Variants in MORN5 observed in about 807,000 individuals in gnomAD.
MORN5 encodes the protein MORN repeat-containing protein 5.
MORN5 carries 21 observed loss-of-function variants against 22.1 expected under a neutral mutation model. The ratio of observed to expected loss-of-function variants is 0.95; its 90% confidence interval spans 0.67 to 1.37. The LOEUF is 1.37. MORN5 is among the 40% of genes most tolerant of loss of function. The pLI is 0.00. For synonymous variants in MORN5, 73 were observed against 74.0 expected, an observed-to-expected ratio of 0.99 and a Z score of 0.07; for missense variants, 211 against 215.1, an observed-to-expected ratio of 0.98 and a Z score of 0.12.
chr9:122,166,394 G>T (rs1425073314), intron 1 of MORN5, among the ~76,000 whole-genome samples: 2 of 151,946 alleles, frequency 1.3e-5, no homozygotes, highest in African/African-American at 2.4e-5. Context: ...TGGTCATGGG[G>T]GACAGAGAAA....
chr9:122,175,758 C>T, intron 4 of MORN5: 1 of 943,938 alleles, frequency 1.1e-6, no homozygotes, highest in Non-Finnish European at 1.3e-6. Flanking sequence ...CATCCTCTCC[C>T]TATAGGGAAA....
intron 3 of MORN5, among the ~76,000 whole-genome samples, chr9:122,172,195 C>T (rs1276607081): frequency 6.6e-6 from 1 of 150,836 alleles, no homozygotes; most frequent in Non-Finnish European, 1.5e-5. Context: ...TCATCTAGAA[C>T]TCCTGGCCTC....
intron 4 of MORN5, among the ~76,000 whole-genome samples, chr9:122,178,885 T>G (rs1019664929): frequency 2.0e-5 from 3 of 152,210 alleles, no homozygotes; most frequent in African/African-American, 7.2e-5. Flanking sequence ...GAGCGTTCCC[T>G]TTCTCCTAAT....
At chr9:122,185,793 G>A (rs1829620368) in intron 4 of MORN5, among the ~76,000 whole-genome samples, 1 of 152,168 alleles carries the variant, frequency 6.6e-6, no homozygotes, top group Non-Finnish European at 1.5e-5. Flanking sequence ...CAGACTGTCT[G>A]TGGTAGAGCC....
At chr9:122,179,768 C>G (rs1468603773) in intron 4 of MORN5, among the ~76,000 whole-genome samples, 1 of 152,156 alleles carries the variant, frequency 6.6e-6, no homozygotes, top group Non-Finnish European at 1.5e-5. Context: ...CCTGACTCAC[C>G]TCACCCTGTG....
rs547924321 is a variant in MORN5, at chr9:122,162,663, C to A, written c.47+2644C>A. Among the ~76,000 whole-genome samples, 187 of 152,234 alleles carry A rather than the reference C, an allele frequency of 1.2e-3. 1 individual carries two copies. The highest frequency in any genetic ancestry group is 4.3e-3 in the African/African-American group (179 of 41,534). On this transcript the variant is annotated intron_variant, in intron 1 of 4. Coordinates refer to ENST00000373764, the MANE Select transcript of MORN5 (RefSeq NM_198469.4). ...AATAAAAAGGAGTGAACTATTGGTA[C>A]ACAGAACAACATGAATGAATCTCAA... is the stretch of plus-strand genomic sequence containing the variant.
chr9:122,165,942 A>T (rs1829269544), intron 1 of MORN5, among the ~76,000 whole-genome samples: 1 of 152,166 alleles, frequency 6.6e-6, no homozygotes, highest in Non-Finnish European at 1.5e-5. Flanking sequence ...GTAAGGACAT[A>T]ACCAAAGACT....
intron 4 of MORN5, among the ~76,000 whole-genome samples, chr9:122,192,589 T>G (rs1044922355): frequency 2.0e-5 from 3 of 152,302 alleles, no homozygotes; most frequent in South Asian, 4.1e-4. Context: ...TGGGCACAGC[T>G]CAGCAGACCC....
At chr9:122,168,506 T>C (rs1260793109) in intron 2 of MORN5, among the ~76,000 whole-genome samples, 1 of 152,232 alleles carries the variant, frequency 6.6e-6, no homozygotes, top group Non-Finnish European at 1.5e-5. Flanking sequence ...CCTTGTTTTA[T>C]AGCTTGGAGA....
At chr9:122,193,088 G>T (rs1306448984) in intron 4 of MORN5, among the ~76,000 whole-genome samples, 1 of 152,124 alleles carries the variant, frequency 6.6e-6, no homozygotes, top group African/African-American at 2.4e-5. Flanking sequence ...GTCTGTGGGG[G>T]TAGGGGACAG....
intron 1 of MORN5, 60 bp from the exon 2 acceptor site, chr9:122,166,708 T>C (rs1408357214): frequency 2.8e-5 from 43 of 1,519,654 alleles, no homozygotes; most frequent in Non-Finnish European, 3.5e-5. Context: ...CTCTGTTGCC[T>C]GCCAGCTCTG....
chr9:122,167,172 C>T (rs1165190457), intron 2 of MORN5, among the ~76,000 whole-genome samples: 20 of 149,706 alleles, frequency 1.3e-4, no homozygotes, highest in African/African-American at 4.7e-4. Flanking sequence ...CTCAGCCTCC[C>T]GAGTAGCTGG....
Position 122,197,880 on chromosome 9 carries a change from T to C in MORN5, c.440-2005T>C, listed in dbSNP as rs1829928933. Among the ~76,000 whole-genome samples, 1 of 152,202 alleles carries C rather than the reference T, an allele frequency of 6.6e-6. No homozygotes were observed. Among genetic ancestry groups the C allele is most frequent in the African/African-American group, 2.4e-5 (1 of 41,458 alleles). On this transcript the variant is annotated intron_variant, in intron 4 of 4. Coordinates refer to ENST00000373764, the MANE Select transcript of MORN5 (RefSeq NM_198469.4). The surrounding 1 kb of genome is among the most constrained non-coding windows in gnomAD (Gnocchi z 5.7). ...CATCGCTGCTTTCCCCACCCCTGGATTTCCCAGCCGCAGCAGGGACTCCCA... is the reference window on the plus strand; with the variant it reads ...CATCGCTGCTTTCCCCACCCCTGGACTTCCCAGCCGCAGCAGGGACTCCCA...
intron 4 of MORN5, among the ~76,000 whole-genome samples, chr9:122,182,002 A>T (rs568125715): frequency 1.3e-5 from 2 of 152,274 alleles, no homozygotes; most frequent in South Asian, 4.2e-4. Context: ...GTCTCTAGGG[A>T]GACAGATGTG....
rs1168177531 is a variant in MORN5 at position 122,174,550 on chromosome 9, A to G, written c.362A>G (p.Tyr121Cys). ...DPPRKIPKGY[Y>C]DCGDGFYNPV... ...CCTAGAAAAATCCCCAAGGGCTATT[A>G]CGATTGTGGAGACGGCTTCTATAAC... Residue 121 changes from tyrosine (Y) to cysteine (C), a missense_variant, in exon 4 of 5, where the codon TAC (tyrosine) becomes TGC (cysteine). By Grantham distance (194) the Tyr-to-Cys change is radical. Coordinates refer to ENST00000373764, the MANE Select transcript of MORN5 (RefSeq NM_198469.4). 2 of 1,614,096 alleles carry G rather than the reference A, an allele frequency of 1.2e-6. No homozygotes were observed. Among genetic ancestry groups the G allele is most frequent in the Admixed American group, 1.7e-5 (1 of 60,020 alleles).
chr9:122,198,144 C>T lies in MORN5; in HGVS notation c.440-1741C>T, dbSNP rs117034755. On this transcript the variant is annotated intron_variant, in intron 4 of 4. Transcript: ENST00000373764. Reference sequence around the variant, plus strand: ...GACTTAGGACAAGGCTCTCCCCTACCTGACTGGGCTGTTACAAAGATCCAA... The same window carrying T: ...GACTTAGGACAAGGCTCTCCCCTACTTGACTGGGCTGTTACAAAGATCCAA... Among the ~76,000 whole-genome samples the T allele has an allele frequency of 1.6e-3, 241 of 152,314 alleles. 1 individual carries two copies. The highest frequency in any genetic ancestry group is 3.0e-3 in the Non-Finnish European group (205 of 68,016).
At chr9:122,196,236 G>A (rs1404447711) in intron 4 of MORN5, among the ~76,000 whole-genome samples, 6 of 151,878 alleles carry the variant, frequency 4.0e-5, no homozygotes, top group Non-Finnish European at 7.4e-5. Context: ...TGGGAGTACA[G>A]TTATGAGCCA....
chr9:122,176,125 A>G lies in MORN5; in HGVS notation c.439+1498A>G, dbSNP rs1829448488. On this transcript the variant is annotated intron_variant, in intron 4 of 4. Coordinates refer to ENST00000373764, the MANE Select transcript of MORN5 (RefSeq NM_198469.4). ...AGAGCAAGACTCCGTCTCAAAAAAAAAAAAAAAAAAAAGAGCAAGGAGAAT... is the reference window on the plus strand; with the variant it reads ...AGAGCAAGACTCCGTCTCAAAAAAAGAAAAAAAAAAAAGAGCAAGGAGAAT... Among the ~76,000 whole-genome samples the G allele has an allele frequency of 1.3e-5, 2 of 151,744 alleles. 1 individual carries two copies. The highest frequency in any genetic ancestry group is 1.3e-4 in the Admixed American group (2 of 15,226).
intron 4 of MORN5, among the ~76,000 whole-genome samples, chr9:122,182,876 T>G (rs1034743683): frequency 2.6e-5 from 4 of 152,248 alleles, no homozygotes; most frequent in African/African-American, 9.6e-5. Context: ...AACTTGCTCG[T>G]GTCACACAAC....
Sources: allele counts gnomAD v4.1 joint callset (sites outside exome capture counted in the v4.1 genomes callset), GRCh38; gene constraint gnomAD v4.1.1; non-coding constraint Gnocchi (gnomAD v3.1); transcripts MANE v1.5; gene names NCBI Gene and HGNC (gene_info 2026-07-23, HGNC 2026-07-21).